Variants in PPP2R2D observed in about 807,000 individuals in gnomAD.
PPP2R2D encodes serine/threonine-protein phosphatase 2A 55 kDa regulatory subunit B delta isoform.
Under a neutral mutation model 31.1 loss-of-function variants are expected in PPP2R2D, and 9 were observed. The ratio of observed to expected loss-of-function variants is 0.29; its 90% CI spans 0.17 to 0.51. PPP2R2D has a LOEUF of 0.51. Among genes scored for constraint, PPP2R2D ranks in the 20% least tolerant of loss-of-function variants. The pLI, the probability that PPP2R2D is intolerant of heterozygous loss-of-function variation, is 0.98. For synonymous variants in PPP2R2D, 179 were observed against 172.6 expected, an observed-to-expected ratio of 1.04 and a Z score of -0.29; for missense variants, 391 against 465.6, an observed-to-expected ratio of 0.84 and a Z score of 1.48.
At chr10:131,911,740 C>G (rs1028158565) in intron 2 of PPP2R2D, 5 of 133,990 alleles carry the variant, frequency 3.7e-5, no homozygotes, top group African/African-American at 1.4e-4. Flanking sequence ...GGTTCTTGAC[C>G]GTTGCACCCT....
At chr10:131,919,157 G>C (rs1366002152) in intron 2 of PPP2R2D, among the ~76,000 whole-genome samples, 1 of 128,724 alleles carries the variant, frequency 7.8e-6, no homozygotes, top group Admixed American at 7.9e-5. Flanking sequence ...ACAGTGTAGG[G>C]ATCTCACGTG....
intron 8 of PPP2R2D, among the ~76,000 whole-genome samples, chr10:131,951,735 G>T (rs1393564244): frequency 6.6e-6 from 1 of 152,110 alleles, no homozygotes; most frequent in East Asian, 1.9e-4. Context: ...CAGGAGAATC[G>T]CTTGAACCTT....
At chr10:131,901,645 G>A (rs981057073) in intron 2 of PPP2R2D, among the ~76,000 whole-genome samples, 16 of 152,256 alleles carry the variant, frequency 1.1e-4, no homozygotes, top group African/African-American at 3.6e-4. Context: ...ACCGAAGCCC[G>A]GGGCTGCCTC....
chr10:131,961,823 C>T (rs1182119103), downstream of PPP2R2D, among the ~76,000 whole-genome samples: 2 of 145,046 alleles, frequency 1.4e-5, no homozygotes, highest in Non-Finnish European at 3.1e-5. Context: ...CACTTGATGT[C>T]CTCCAGGGTT....
Position 131,952,633 on chromosome 10 carries a change from C to T in PPP2R2D, c.1083-3051C>T, listed in dbSNP as rs112576406. ...GACTTGCGGGTGTGCGGGGGGTTCACTGTCTTAGTGACTTGCGGGTGTGCG... is the reference window on the plus strand; with the variant it reads ...GACTTGCGGGTGTGCGGGGGGTTCATTGTCTTAGTGACTTGCGGGTGTGCG... On this transcript the variant is annotated intron_variant, in intron 8 of 8. Coordinates refer to ENST00000455566, the MANE Select transcript of PPP2R2D (RefSeq NM_018461.5). 8.3e-4 allele frequency among the ~76,000 whole-genome samples: 22 copies of T among 26,486 alleles called. 3 individuals are homozygous for T. Among genetic ancestry groups the T allele is most frequent in the Admixed American group, 2.6e-3 (4 of 1,556 alleles). The allele number at this position is 26,486 out of a possible 152,430, so 17.4% of individuals were successfully genotyped here.
downstream of PPP2R2D, among the ~76,000 whole-genome samples, chr10:131,964,413 T>A (rs1554901908): frequency 6.6e-6 from 1 of 150,660 alleles, no homozygotes; most frequent in Non-Finnish European, 1.5e-5. Flanking sequence ...TGTTGGAGGA[T>A]CATTGCTTCC....
intron 2 of PPP2R2D, among the ~76,000 whole-genome samples, chr10:131,908,945 C>T (rs1458823435): frequency 6.6e-6 from 1 of 152,288 alleles, no homozygotes; most frequent in Admixed American, 6.5e-5. Context: ...AATAGAAATG[C>T]AGTTCTTGCC....
chr10:131,904,918 C>T (rs1354449293), intron 2 of PPP2R2D, among the ~76,000 whole-genome samples: 1 of 151,850 alleles, frequency 6.6e-6, no homozygotes, highest in African/African-American at 2.4e-5. Context: ...TAGTTTTGGG[C>T]TGGGGAATCA....
chr10:131,934,845 T>A lies in PPP2R2D; in HGVS notation c.198+290T>A, dbSNP rs374955317. On this transcript the variant is annotated intron_variant, in intron 3 of 8. Coordinates refer to ENST00000455566, the MANE Select transcript of PPP2R2D (RefSeq NM_018461.5). ...GGTGCATTTATGTGCTTTCATTCCA[T>A]AAGAACTCACGCGGCTCTCTCTGAA... 15 of 494,832 alleles carry A rather than the reference T, an allele frequency of 3.0e-5. 1 individual carries two copies. The highest frequency in any genetic ancestry group is 2.9e-4 in the African/African-American group (15 of 51,656). 30.7% of individuals were successfully genotyped at this position (494,832 alleles called of 1,614,324 possible).
chr10:131,902,028 G>A (rs1311689235), intron 2 of PPP2R2D, among the ~76,000 whole-genome samples: 1 of 152,116 alleles, frequency 6.6e-6, no homozygotes, highest in African/African-American at 2.4e-5. Flanking sequence ...ATTGGCCCAG[G>A]CACAAAGTTT....
In PPP2R2D at chr10:131,945,211, T is replaced by A. The variant is rs1554897780; in HGVS notation, c.656-84T>A. 1 of 1,470,114 alleles carries A rather than the reference T, an allele frequency of 6.8e-7. No homozygotes were observed. The highest frequency in any genetic ancestry group is 2.3e-5 in the East Asian group (1 of 43,264). 91.1% of individuals were successfully genotyped at this position (1,470,114 alleles called of 1,614,324 possible). ...CCTTAAACCTCACTGCGTGGATTAT[T>A]TGGCGTCCTATTTCGCGTGACTGAA... On this transcript the variant is annotated intron_variant, in intron 6 of 8. Coordinates refer to ENST00000455566, the MANE Select transcript of PPP2R2D (RefSeq NM_018461.5). The surrounding 1 kb of genome is among the most constrained non-coding windows in gnomAD (Gnocchi z 4.8).
At chr10:131,914,852 C>T (rs2035749273) in intron 2 of PPP2R2D, among the ~76,000 whole-genome samples, 1 of 152,112 alleles carries the variant, frequency 6.6e-6, no homozygotes, top group Non-Finnish European at 1.5e-5. Context: ...CTGCACATTT[C>T]TGTATTATTT....
At chr10:131,940,555 T>C (rs1554897083) in intron 4 of PPP2R2D, 27 bp from the exon 5 acceptor site, 2 of 722,564 alleles carry the variant, frequency 2.8e-6, no homozygotes, top group Admixed American at 4.0e-5. Flanking sequence ...TTTCTTTTCA[T>C]ATGGAGAATG....
At chr10:131,919,744 C>T (rs187799146) in intron 2 of PPP2R2D, among the ~76,000 whole-genome samples, 2 of 112,780 alleles carry the variant, frequency 1.8e-5, no homozygotes, top group African/African-American at 7.0e-5. Flanking sequence ...AGGGACCTCA[C>T]GTGGGTGGAA....
chr10:131,956,288 A>G lies in PPP2R2D; in HGVS notation c.*325A>G, dbSNP rs2036796569. On this transcript the variant is annotated 3_prime_UTR_variant, in exon 9 of 9. Transcript: ENST00000455566. Reference sequence around the variant, plus strand: ...TTTATAGACCAAAAAATTAACATCCAAGAGAAAAGTTATTGTCAGATACCG... The same window carrying G: ...TTTATAGACCAAAAAATTAACATCCGAGAGAAAAGTTATTGTCAGATACCG... 9.7e-7 allele frequency: 1 copy of G among 1,034,300 alleles called. No homozygotes were observed. Among genetic ancestry groups the G allele is most frequent in the Non-Finnish European group, 1.2e-6 (1 of 862,420 alleles). The allele number at this position is 1,034,300 out of a possible 1,614,324, so 64.1% of individuals were successfully genotyped here.
chr10:131,912,161 T>G (rs2035695601), intron 2 of PPP2R2D: 1 of 152,204 alleles, frequency 6.6e-6, no homozygotes, highest in African/African-American at 2.4e-5. Context: ...TCTGTATTAG[T>G]CAGTATTGTT....
intron 2 of PPP2R2D, among the ~76,000 whole-genome samples, chr10:131,921,978 G>A (rs2035995552): frequency 6.6e-6 from 1 of 152,100 alleles, no homozygotes; most frequent in Admixed American, 6.6e-5. Flanking sequence ...GGATAAAGAC[G>A]TTCTCATTTT....
rs1399621442 is a variant in PPP2R2D at position 131,959,020 on chromosome 10, A to G, written c.*3057A>G. The G allele has an allele frequency of 2.2e-4, 22 of 98,786 alleles. No individual in the cohort carries two copies. Among genetic ancestry groups the G allele is most frequent in the South Asian group, 6.1e-4 (3 of 4,926 alleles). The allele number at this position is 98,786 out of a possible 1,614,324, so 6.1% of individuals were successfully genotyped here. A position where few individuals can be genotyped will look rare whatever the true frequency, so the allele number is the denominator to read the frequency against. ...AGATGAAGGCGTGTGCTGATCCCCC[A>G]TCCCCCTGTGGAGATGAAGGCGTGT... On this transcript the variant is annotated 3_prime_UTR_variant, in exon 9 of 9. Transcript: ENST00000455566.
intron 2 of PPP2R2D, among the ~76,000 whole-genome samples, chr10:131,915,693 C>T (rs1212667988): frequency 2.6e-5 from 4 of 152,310 alleles, no homozygotes; most frequent in African/African-American, 7.2e-5. Flanking sequence ...GCCGTGGCCG[C>T]GCTTCTCCAG....
Sources: gnomAD v4.1 joint callset for allele counts (sites outside exome capture counted in the v4.1 genomes callset) on GRCh38, gnomAD v4.1.1 for gene constraint, Gnocchi (gnomAD v3.1) non-coding constraint, MANE v1.5 for transcripts, NCBI Gene and HGNC (gene_info 2026-07-23, HGNC 2026-07-21) for gene names.